Variants in TENM4 observed in about 807,000 individuals in gnomAD.
TENM4 encodes teneurin transmembrane protein 4, also known as teneurin-4.
A neutral mutation model predicts 243.3 loss-of-function variants in TENM4; 82 were observed. The observed-to-expected ratio is 0.34, with a 90% CI of 0.28 to 0.40. The LOEUF is 0.40. TENM4 is among the 10% of genes least tolerant of loss of function. TENM4 has a pLI of 1.00. For missense variants in TENM4, 3,138 were observed against 3,673.3 expected (o/e 0.85, Z 3.77); for synonymous variants, 1,412 against 1,456.3 (o/e 0.97, Z 0.69).
intron 12 of TENM4, among the ~76,000 whole-genome samples, chr11:78,852,039 G>C (rs1467866501): frequency 6.6e-6 from 1 of 152,180 alleles, no homozygotes; most frequent in Non-Finnish European, 1.5e-5. Flanking sequence ...TCCTGCCAGG[G>C]GAGTTCGTTC....
intron 13 of TENM4, among the ~76,000 whole-genome samples, chr11:78,813,003 C>T (rs1253279347): frequency 3.9e-5 from 6 of 152,130 alleles, no homozygotes; most frequent in South Asian, 2.1e-4. Context: ...CTTTTTTACA[C>T]GTGACTCTTA....
intron 15 of TENM4, among the ~76,000 whole-genome samples, chr11:78,803,660 T>C (rs937086917): frequency 1.1e-4 from 16 of 152,250 alleles, no homozygotes; most frequent in Non-Finnish European, 2.1e-4. Context: ...TTCCGTTTAC[T>C]GAGCTAACTA....
At chr11:78,671,414 C>G (rs1722407134) in intron 31 of TENM4, among the ~76,000 whole-genome samples, 1 of 152,200 alleles carries the variant, frequency 6.6e-6, no homozygotes, top group African/African-American at 2.4e-5. Context: ...GGAAACAAAG[C>G]AGGGATCTGG....
At chr11:78,673,260 T>C (rs1238818513) in intron 30 of TENM4, among the ~76,000 whole-genome samples, 11 of 152,192 alleles carry the variant, frequency 7.2e-5, no homozygotes, top group Admixed American at 5.2e-4. Flanking sequence ...TGTATTTGGA[T>C]CTGCCCTGTA....
chr11:79,231,060 C>T (rs1159549275), intron 2 of TENM4, among the ~76,000 whole-genome samples: 1 of 151,954 alleles, frequency 6.6e-6, no homozygotes, highest in African/African-American at 2.4e-5. Flanking sequence ...GATTCTATAA[C>T]TTAACAAAAA....
chr11:79,370,954 A>G (rs560320874), intron 1 of TENM4, among the ~76,000 whole-genome samples: 16 of 152,316 alleles, frequency 1.1e-4, no homozygotes, highest in African/African-American at 3.8e-4. Flanking sequence ...TTGACAAGAA[A>G]ATGTCAGGAA....
intron 3 of TENM4, among the ~76,000 whole-genome samples, chr11:79,185,357 C>T (rs1461618987): frequency 6.6e-6 from 1 of 152,120 alleles, no homozygotes; most frequent in Non-Finnish European, 1.5e-5. Context: ...AAAACAGCAA[C>T]AACAAAAACC....
In TENM4 at chr11:78,778,632, G is replaced by T; in HGVS notation, c.2366-4C>A. The T allele has an allele frequency of 1.2e-6, 2 of 1,611,806 alleles. No individual in the cohort carries two copies. The highest frequency in any genetic ancestry group is 1.1e-5 in the South Asian group (1 of 90,126). On this transcript the variant is annotated splice_region_variant and splice_polypyrimidine_tract_variant and intron_variant, in intron 16 of 33. Transcript: ENST00000278550. Reference sequence around the variant, plus strand: ...ACTACCCTATCCAGATAGTGAGCTAGGGAGATAAAAGACAGGACATTTAAG... The same window carrying T: ...ACTACCCTATCCAGATAGTGAGCTATGGAGATAAAAGACAGGACATTTAAG...
At chr11:79,276,363 T>G (rs1218382045) in intron 2 of TENM4, among the ~76,000 whole-genome samples, 1 of 152,194 alleles carries the variant, frequency 6.6e-6, no homozygotes, top group East Asian at 1.9e-4. Context: ...GGAAGGGCAT[T>G]GTCTTCTAAC....
At position 79,339,003 on chromosome 11, in the gene TENM4, G is replaced by A. The variant is rs1433188611; in HGVS notation, c.-320-41460C>T. Among the ~76,000 whole-genome samples the A allele has an allele frequency of 2.0e-5, 3 of 152,202 alleles. No homozygotes were observed. In the East Asian group the frequency reaches 5.8e-4, roughly 29 times the overall value. ...CCGAGCCTTGAAGCGGGAGATGATG[G>A]AGCTGTGTTGGCAACGCCTGCTCAA... On this transcript the variant is annotated intron_variant, in intron 1 of 33. Transcript: ENST00000278550.
chr11:79,196,758 T>G (rs1278588305), intron 3 of TENM4, among the ~76,000 whole-genome samples: 8 of 152,168 alleles, frequency 5.3e-5, no homozygotes. Context: ...AAACAGAACA[T>G]TCTAGAGGCT....
chr11:79,421,992 C>T (rs1000255313), intron 1 of TENM4, among the ~76,000 whole-genome samples: 7 of 152,042 alleles, frequency 4.6e-5, no homozygotes, highest in African/African-American at 1.4e-4. Flanking sequence ...TTAACGCACA[C>T]CCCACACGTG....
chr11:78,923,240 A>C (rs1285931725), intron 6 of TENM4, among the ~76,000 whole-genome samples: 1 of 152,024 alleles, frequency 6.6e-6, no homozygotes, highest in Non-Finnish European at 1.5e-5. Context: ...ATTCTGAAAA[A>C]ATTTTGAACC....
chr11:79,305,810 A>C (rs1856617017), intron 1 of TENM4, among the ~76,000 whole-genome samples: 2 of 152,214 alleles, frequency 1.3e-5, no homozygotes, highest in African/African-American at 4.8e-5. Flanking sequence ...TGCAGAGCCG[A>C]GGCTGATCTA....
intron 6 of TENM4, among the ~76,000 whole-genome samples, chr11:78,956,167 G>GCACATA (rs1857203578): frequency 6.6e-6 from 1 of 152,040 alleles, no homozygotes; most frequent in African/African-American, 2.4e-5. Context: ...TTTGATTTTA[G>GCACATA]CACATACACA....
intron 4 of TENM4, among the ~76,000 whole-genome samples, chr11:79,089,344 T>C (rs892633978): frequency 6.6e-6 from 1 of 152,058 alleles, no homozygotes; most frequent in Non-Finnish European, 1.5e-5. Flanking sequence ...AGCTTCCTTC[T>C]CCTCCCATTC....
chr11:78,788,922 C>A (rs1856995278), intron 15 of TENM4, among the ~76,000 whole-genome samples: 1 of 152,106 alleles, frequency 6.6e-6, no homozygotes, highest in South Asian at 2.1e-4. Context: ...GTAATCTACC[C>A]CCAAGACCTG....
At chr11:79,390,217 G>A (rs1206734414) in intron 1 of TENM4, among the ~76,000 whole-genome samples, 1 of 152,154 alleles carries the variant, frequency 6.6e-6, no homozygotes. Context: ...GGCAAGAGAG[G>A]GGTCCAGGAG....
Position 79,212,879 on chromosome 11 carries a change from C to T in TENM4, c.-163+2929G>A, listed in dbSNP as rs1051957797. Among the ~76,000 whole-genome samples the T allele has an allele frequency of 2.6e-5, 4 of 152,194 alleles. No individual in the cohort carries two copies. In the East Asian group the frequency reaches 7.7e-4, roughly 29 times the overall value. On this transcript the variant is annotated intron_variant, in intron 3 of 33. Coordinates refer to ENST00000278550, the MANE Select transcript of TENM4 (RefSeq NM_001098816.3). ...TAAGTTGGCAACAAGTCTCCGCCTC[C>T]TGACCGAGGGAGACGGGAACTCACA...
Sources: allele counts gnomAD v4.1 joint callset (sites outside exome capture counted in the v4.1 genomes callset), GRCh38; gene constraint gnomAD v4.1.1; transcripts MANE v1.5; gene names NCBI Gene and HGNC (gene_info 2026-07-23, HGNC 2026-07-21).